HSF5: variants seen among roughly 807,000 people sequenced by gnomAD.
HSF5 encodes the protein heat shock factor protein 5.
A neutral mutation model predicts 50.8 loss-of-function variants in HSF5; 5 were observed. The ratio of observed to expected loss-of-function variants is 0.10; its 90% CI spans 0.05 to 0.21. The LOEUF (loss-of-function observed/expected upper bound fraction) is 0.21. Among genes scored for constraint, HSF5 ranks in the 10% least tolerant of loss-of-function variants. The probability of loss-of-function intolerance (pLI) is 1.00; values close to 1 mark genes in which losing one functional copy is unlikely to be tolerated. For missense variants in HSF5, 564 were observed against 762.6 expected (o/e 0.74, Z 3.07); for synonymous variants, 307 against 307.4 (o/e 1.00, Z 0.02).
intron 4 of HSF5, among the ~76,000 whole-genome samples, chr17:58,460,664 C>G (rs1974782672): frequency 6.6e-6 from 1 of 151,504 alleles, no homozygotes; most frequent in African/African-American, 2.4e-5. Context: ...CACCCACCAC[C>G]ACGCCCGGCT....
At chr17:58,486,896 T>TTC (rs1157698409) in intron 1 of HSF5, among the ~76,000 whole-genome samples, 5 of 143,950 alleles carry the variant, frequency 3.5e-5, no homozygotes, top group Non-Finnish European at 6.0e-5. Flanking sequence ...ATGTTCTAAG[T>TTC]TCTCTCTTTT....
At chr17:58,452,156 A>C (rs1391327780) in intron 5 of HSF5, among the ~76,000 whole-genome samples, 1 of 152,118 alleles carries the variant, frequency 6.6e-6, no homozygotes, top group Non-Finnish European at 1.5e-5. Flanking sequence ...AGGCTGAGGC[A>C]GGAGGATCAC....
chr17:58,448,526 C>G (rs2143758309), intron 5 of HSF5, among the ~76,000 whole-genome samples: 1 of 152,280 alleles, frequency 6.6e-6, no homozygotes, highest in African/African-American at 2.4e-5. Flanking sequence ...TCCAGTACAT[C>G]TGGCAGCAGA....
chr17:58,449,980 G>A (rs1249278084), intron 5 of HSF5, among the ~76,000 whole-genome samples: 1 of 131,372 alleles, frequency 7.6e-6, no homozygotes, highest in Non-Finnish European at 1.6e-5. Flanking sequence ...CCGAGATCCC[G>A]CCACTGCACT....
At chr17:58,478,463 G>C (rs887263539) in intron 2 of HSF5, among the ~76,000 whole-genome samples, 2 of 132,396 alleles carry the variant, frequency 1.5e-5, no homozygotes. Flanking sequence ...GCAACAGAGC[G>C]AGACTCCATC....
chr17:58,438,005 C>A (rs565092609), intron 5 of HSF5, among the ~76,000 whole-genome samples: 1 of 151,990 alleles, frequency 6.6e-6, no homozygotes, highest in Non-Finnish European at 1.5e-5. Context: ...TAGGGCTATA[C>A]GAATTTACAT....
intron 5 of HSF5, among the ~76,000 whole-genome samples, chr17:58,434,836 G>A: frequency 6.6e-6 from 1 of 152,212 alleles, no homozygotes; most frequent in Non-Finnish European, 1.5e-5. Context: ...GTGGATGACA[G>A]AGGAAGACTC....
At chr17:58,482,061 T>C (rs1730457343) in intron 1 of HSF5, among the ~76,000 whole-genome samples, 1 of 152,116 alleles carries the variant, frequency 6.6e-6, no homozygotes. Context: ...ACTATGATCG[T>C]GCCACTGCAC....
At chr17:58,469,246 G>T (rs757652232) in intron 2 of HSF5, among the ~76,000 whole-genome samples, 12 of 151,972 alleles carry the variant, frequency 7.9e-5, no homozygotes, top group South Asian at 2.1e-4. Context: ...ATCAATAAAA[G>T]GATTAGCTTT....
At chr17:58,476,319 A>G (rs1440963132) in intron 2 of HSF5, 2 of 1,094,298 alleles carry the variant, frequency 1.8e-6, no homozygotes, top group Non-Finnish European at 2.8e-6. Context: ...GCCAAATACC[A>G]TCTTTGATGA....
chr17:58,447,289 A>C (rs954182842), intron 5 of HSF5, among the ~76,000 whole-genome samples: 6 of 152,102 alleles, frequency 3.9e-5, no homozygotes, highest in Admixed American at 3.3e-4. Flanking sequence ...GCAATCTGCC[A>C]CCCCAGCAGG....
Position 58,463,290 on chromosome 17 carries a change from T to G in HSF5, c.1034A>C (p.Gln345Pro). The G allele has an allele frequency of 1.9e-6, 3 of 1,611,004 alleles. No individual in the cohort carries two copies. The highest frequency in any genetic ancestry group is 2.5e-6 in the Non-Finnish European group (3 of 1,178,004). The change falls in exon 4 of 6, where the codon CAG (glutamine) becomes CCG (proline). Residue 345 changes from glutamine to proline, a missense_variant. Physicochemically the swap from Gln to Pro is moderately conservative, Grantham distance 76 (BLOSUM62 -1). Coordinates refer to ENST00000323777, the MANE Select transcript of HSF5 (RefSeq NM_001080439.3). ...CAAAAATTCAACTGGATAGGAGGACTGCATTGAAGGATTCTGGGAAAAGAA... is the reference window on the plus strand; with the variant it reads ...CAAAAATTCAACTGGATAGGAGGACGGCATTGAAGGATTCTGGGAAAAGAA... ...HCNYFQNPSMQSSYPVEFLPS... is the reference protein window; with the variant it reads ...HCNYFQNPSMPSSYPVEFLPS...
At chr17:58,446,765 C>G (rs1227019566) in intron 5 of HSF5, among the ~76,000 whole-genome samples, 2 of 152,116 alleles carry the variant, frequency 1.3e-5, no homozygotes, top group Admixed American at 1.3e-4. Context: ...GTTGCAGTAG[C>G]TATCTGAGTG....
intron 5 of HSF5, among the ~76,000 whole-genome samples, chr17:58,457,394 T>C (rs1598192104): frequency 6.7e-6 from 1 of 148,854 alleles, no homozygotes; most frequent in African/African-American, 2.5e-5. Flanking sequence ...AGGCCAGGAG[T>C]TCAAGACCAG....
intron 2 of HSF5, among the ~76,000 whole-genome samples, chr17:58,474,015 T>C (rs926483505): frequency 6.6e-6 from 1 of 152,166 alleles, no homozygotes; most frequent in Non-Finnish European, 1.5e-5. Context: ...AGCTAATTTT[T>C]CTATTTTTAG....
intron 2 of HSF5, chr17:58,477,031 C>T (rs1170606900): frequency 3.7e-6 from 2 of 536,848 alleles, no homozygotes; most frequent in South Asian, 2.1e-5. Flanking sequence ...GGCACACGCG[C>T]GGGCGCTTGC....
chr17:58,481,389 G>A (rs189660502), intron 1 of HSF5, among the ~76,000 whole-genome samples: 2 of 152,178 alleles, frequency 1.3e-5, no homozygotes, highest in African/African-American at 2.4e-5. Context: ...GAGAGAAAGG[G>A]CAATAGTATG....
chr17:58,456,193 ACG>A (rs1487998908), intron 5 of HSF5, among the ~76,000 whole-genome samples: 6 of 148,868 alleles, frequency 4.0e-5, no homozygotes, highest in Non-Finnish European at 7.5e-5. Context: ...ACACACACAC[ACG>A]TACGTACATA....
At chr17:58,451,080 C>A (rs1306267735) in intron 5 of HSF5, among the ~76,000 whole-genome samples, 1 of 152,132 alleles carries the variant, frequency 6.6e-6, no homozygotes, top group African/African-American at 2.4e-5. Context: ...CAGAGTGAAA[C>A]TCTGTCTCAG....
Sources: gnomAD v4.1 joint callset for allele counts (sites outside exome capture counted in the v4.1 genomes callset) on GRCh38, gnomAD v4.1.1 for gene constraint, MANE v1.5 for transcripts, NCBI Gene and HGNC (gene_info 2026-07-23, HGNC 2026-07-21) for gene names.